The following ADAM9 variants were observed in gnomAD, a reference collection of about 807,000 sequenced individuals.
The protein encoded by ADAM9 is ADAM metallopeptidase domain 9.
ADAM9 carries 54 observed loss-of-function variants against 108.1 expected under a neutral mutation model. That is an observed-to-expected ratio of 0.50 (90% CI 0.40 to 0.63). The LOEUF (loss-of-function observed/expected upper bound fraction) is 0.63, where lower values mean the gene tolerates loss of function less well. ADAM9 is among the 20% of genes least tolerant of loss of function. The pLI, the probability that ADAM9 is intolerant of heterozygous loss-of-function variation, is 0.00. For missense variants in ADAM9, 830 were observed against 997.7 expected (o/e 0.83, Z 2.26); for synonymous variants, 316 against 336.0 (o/e 0.94, Z 0.65).
chr8:39,037,103 C>T (rs1242407342), intron 11 of ADAM9, among the ~76,000 whole-genome samples: 1 of 113,852 alleles, frequency 8.8e-6, no homozygotes, highest in African/African-American at 3.4e-5. Flanking sequence ...GTCACCCAGG[C>T]TGGAGTGCAG....
intron 14 of ADAM9, among the ~76,000 whole-genome samples, chr8:39,062,870 G>A (rs28868044): frequency 0.41 from 62,401 of 151,914 alleles, 13,607 homozygotes; most frequent in East Asian, 0.72. Context: ...GTGACAAATC[G>A]ACTCAAACAT....
chr8:39,030,139 T>C (rs558932367), intron 11 of ADAM9, among the ~76,000 whole-genome samples: 5 of 152,146 alleles, frequency 3.3e-5, no homozygotes, highest in Non-Finnish European at 7.4e-5. Context: ...TGGTTCAGTC[T>C]TGGTGTTGTG....
Position 39,101,910 on chromosome 8 carries a change from A to G in ADAM9, c.2346A>G (p.Gln782=), listed in dbSNP as rs755574418. Residue 782 remains glutamine (Q), a synonymous_variant, in exon 21 of 22, where the codon CAA becomes CAG. Coordinates refer to ENST00000487273, the MANE Select transcript of ADAM9 (RefSeq NM_003816.3). The part of the protein sequence containing the change: ...RFAVPTYAAK[Q]PQQFPSRPPP... The stretch of plus-strand genomic sequence containing the variant: ...CAGTACCAACCTATGCAGCCAAGCA[A>G]CCTCAGCAGTTCCCATCAAGGTCAG... 15 of 1,613,830 alleles carry G rather than the reference A, an allele frequency of 9.3e-6. No homozygotes were observed. The highest frequency in any genetic ancestry group is 3.3e-4 in the Middle Eastern group (2 of 6,084).
At chr8:39,049,218 C>T (rs187809324) in intron 12 of ADAM9, among the ~76,000 whole-genome samples, 87 of 151,568 alleles carry the variant, frequency 5.7e-4, no homozygotes, top group African/African-American at 2.1e-3. Context: ...TATCCCTATT[C>T]CTTTTTCTTT....
At chr8:39,003,788 C>T (rs1175185241) in intron 1 of ADAM9, among the ~76,000 whole-genome samples, 1 of 152,140 alleles carries the variant, frequency 6.6e-6, no homozygotes, top group Non-Finnish European at 1.5e-5. Context: ...TTTCAGGGTG[C>T]TATAATTTTG....
intron 11 of ADAM9, among the ~76,000 whole-genome samples, chr8:39,034,156 G>A (rs1837194960): frequency 6.6e-6 from 1 of 152,190 alleles, no homozygotes; most frequent in South Asian, 2.1e-4. Context: ...GCCTCCTGAT[G>A]TGCTGGGATT....
At chr8:39,012,197 G>A (rs1322619216) in intron 3 of ADAM9, among the ~76,000 whole-genome samples, 2 of 152,178 alleles carry the variant, frequency 1.3e-5, no homozygotes, top group Admixed American at 6.5e-5. Context: ...ATTATGAACC[G>A]CTGAGATATG....
At chr8:39,081,829 A>C (rs1839033306) in intron 16 of ADAM9, among the ~76,000 whole-genome samples, 1 of 152,214 alleles carries the variant, frequency 6.6e-6, no homozygotes, top group Admixed American at 6.5e-5. Context: ...TTAGTTACCT[A>C]ATAAAATTTT....
At chr8:39,091,481 C>A (rs1839352772) in intron 20 of ADAM9, 135 bp downstream of exon 20, 2 of 847,736 alleles carry the variant, frequency 2.4e-6, no homozygotes, top group East Asian at 2.7e-5. Context: ...TGTAGGTGGT[C>A]CCTGAGTTTT....
chr8:39,031,236 G>A (rs1385354853), intron 11 of ADAM9, among the ~76,000 whole-genome samples: 3 of 152,178 alleles, frequency 2.0e-5, no homozygotes, highest in East Asian at 3.8e-4. Context: ...AATTGTGGAG[G>A]ATGTAAGATC....
chr8:39,050,912 A>G (rs1456957265), intron 12 of ADAM9, among the ~76,000 whole-genome samples: 1 of 150,008 alleles, frequency 6.7e-6, no homozygotes, highest in Non-Finnish European at 1.5e-5. Flanking sequence ...TGATAGTTTG[A>G]ACAACCACCT....
intron 15 of ADAM9, among the ~76,000 whole-genome samples, chr8:39,074,483 A>G (rs1838792803): frequency 6.6e-6 from 1 of 152,162 alleles, no homozygotes; most frequent in Admixed American, 6.5e-5. Flanking sequence ...GAACCATTTT[A>G]AGTAAATTAT....
rs540710449 is a variant in ADAM9, at chr8:39,100,925, C to T, written c.2299-938C>T. 8.3e-4 allele frequency among the ~76,000 whole-genome samples: 126 copies of T among 152,314 alleles called. 1 individual carries two copies. The highest frequency in any genetic ancestry group is 2.9e-3 in the African/African-American group (121 of 41,578). On this transcript the variant is annotated intron_variant, in intron 20 of 21. Transcript: ENST00000487273. ...CTTTCTTATTTGAGGCTAAGTTATA[C>T]AGTTTCACTTTGTTGTAAACTTCAA... is the stretch of plus-strand genomic sequence containing the variant.
intron 7 of ADAM9, among the ~76,000 whole-genome samples, chr8:39,020,495 T>A (rs2129433613): frequency 6.6e-6 from 1 of 152,334 alleles, no homozygotes; most frequent in Non-Finnish European, 1.5e-5. Flanking sequence ...TAAATCCTTT[T>A]AAAATTTTTC....
chr8:39,048,930 A>G (rs1837863022), intron 12 of ADAM9, among the ~76,000 whole-genome samples: 1 of 149,200 alleles, frequency 6.7e-6, no homozygotes, highest in African/African-American at 2.5e-5. Flanking sequence ...GAATATCTTT[A>G]TCCATTCTTC....
chr8:39,061,790 G>T (rs1303114438), intron 14 of ADAM9, among the ~76,000 whole-genome samples: 3 of 152,122 alleles, frequency 2.0e-5, no homozygotes, highest in Non-Finnish European at 4.4e-5. Context: ...AGCCATCATG[G>T]ACTAATCACC....
intron 14 of ADAM9, 57 bp from the exon 15 acceptor site, chr8:39,071,241 T>A: frequency 6.5e-7 from 1 of 1,538,554 alleles, no homozygotes; most frequent in Non-Finnish European, 8.9e-7. Context: ...TACTTTTATT[T>A]CAAAAGCTAA....
At chr8:39,013,886 A>G (rs1836437772) in intron 3 of ADAM9, 79 bp from the exon 4 acceptor site, 1 of 1,103,230 alleles carries the variant, frequency 9.1e-7, no homozygotes, top group Non-Finnish European at 1.4e-6. Context: ...TGTCTCCTCT[A>G]GGAATAATGC....
chr8:39,085,675 T>C (rs1289721470), intron 18 of ADAM9, among the ~76,000 whole-genome samples: 1 of 152,180 alleles, frequency 6.6e-6, no homozygotes, highest in Admixed American at 6.5e-5. Flanking sequence ...TTGTTTTTCC[T>C]GAAAAATCTG....
Sources: allele counts gnomAD v4.1 joint callset (sites outside exome capture counted in the v4.1 genomes callset), GRCh38; gene constraint gnomAD v4.1.1; transcripts MANE v1.5; gene names NCBI Gene and HGNC (gene_info 2026-07-23, HGNC 2026-07-21).